SCHIP1: variants seen among roughly 807,000 people sequenced by gnomAD.
SCHIP1 encodes the protein schwannomin-interacting protein 1.
A neutral mutation model predicts 29.7 loss-of-function variants in SCHIP1; 8 were observed. The observed-to-expected ratio is 0.27, with a 90% CI of 0.16 to 0.49. The LOEUF (loss-of-function observed/expected upper bound fraction) is 0.49, where lower values mean the gene tolerates loss of function less well. Ranked by LOEUF, SCHIP1 falls within the 20% of genes least tolerant of loss-of-function variation. SCHIP1 has a pLI of 0.99. For synonymous variants in SCHIP1, 76 were observed against 94.9 expected, an observed-to-expected ratio of 0.80 and a Z score of 1.16; for missense variants, 193 against 294.6, an observed-to-expected ratio of 0.66 and a Z score of 2.52.
At chr3:159,427,200 G>A in the SCHIP1 span, among the ~76,000 whole-genome samples, 211 of 151,574 alleles carry the variant, frequency 1.4e-3, 2 homozygotes, top group Non-Finnish European at 2.6e-3. Context: ...TTCTGGCCAG[G>A]GCAATTAGGC....
At chr3:159,671,164 T>C in the SCHIP1 span, among the ~76,000 whole-genome samples, 2 of 152,266 alleles carry the variant, frequency 1.3e-5, no homozygotes, top group Admixed American at 1.3e-4. Flanking sequence ...TCACTGATAC[T>C]TCAGCTTTCC....
chr3:159,459,024 T>C, the SCHIP1 span, among the ~76,000 whole-genome samples: 1 of 152,180 alleles, frequency 6.6e-6, no homozygotes, highest in Non-Finnish European at 1.5e-5. Flanking sequence ...TCTTCATTGT[T>C]CTAAACTTTG....
chr3:159,600,580 A>G, the SCHIP1 span, among the ~76,000 whole-genome samples: 1 of 152,104 alleles, frequency 6.6e-6, no homozygotes, highest in Non-Finnish European at 1.5e-5. Context: ...AATTTCTCAT[A>G]TCCCCAATTT....
chr3:159,297,568 G>A, the SCHIP1 span, among the ~76,000 whole-genome samples: 3 of 152,042 alleles, frequency 2.0e-5, no homozygotes, highest in African/African-American at 7.2e-5. Flanking sequence ...CTAATGTGCT[G>A]TACTGCCTTC....
chr3:159,767,775 A>G, the SCHIP1 span, among the ~76,000 whole-genome samples: 62 of 152,252 alleles, frequency 4.1e-4, no homozygotes, highest in African/African-American at 1.4e-3. Context: ...CCCTTCCTAA[A>G]GTAAAGTAAC....
At chr3:159,445,900 T>C in the SCHIP1 span, among the ~76,000 whole-genome samples, 1 of 147,282 alleles carries the variant, frequency 6.8e-6, no homozygotes, top group Non-Finnish European at 1.5e-5. Flanking sequence ...GGGGGAAGGA[T>C]AGCATTAGGA....
chr3:159,478,110 A>G, the SCHIP1 span, among the ~76,000 whole-genome samples: 1 of 151,918 alleles, frequency 6.6e-6, no homozygotes, highest in South Asian at 2.1e-4. Flanking sequence ...TTTAGTAGAG[A>G]TGGGGTTTCA....
At chr3:159,868,180 C>G (rs1463959160) in intron 2 of SCHIP1, among the ~76,000 whole-genome samples, 1 of 150,712 alleles carries the variant, frequency 6.6e-6, no homozygotes, top group East Asian at 1.9e-4. Flanking sequence ...TGGATGTATA[C>G]ATATATATAT....
At chr3:159,587,357 G>A in the SCHIP1 span, among the ~76,000 whole-genome samples, 3 of 149,768 alleles carry the variant, frequency 2.0e-5, no homozygotes, top group Non-Finnish European at 4.4e-5. Context: ...TGTAGAACAA[G>A]ATGAATAAAA....
the SCHIP1 span, among the ~76,000 whole-genome samples, chr3:159,278,790 G>T: frequency 6.6e-6 from 1 of 152,132 alleles, no homozygotes; most frequent in Non-Finnish European, 1.5e-5. Flanking sequence ...GTAACGAAGG[G>T]ATCCCCAAAA....
the SCHIP1 span, among the ~76,000 whole-genome samples, chr3:159,343,658 G>C: frequency 6.6e-6 from 1 of 152,200 alleles, no homozygotes. Context: ...CAAGTCCCAA[G>C]TCACTGGAGC....
intron 1 of SCHIP1, among the ~76,000 whole-genome samples, chr3:159,847,444 A>C (rs1185275788): frequency 6.6e-6 from 1 of 152,176 alleles, no homozygotes; most frequent in Non-Finnish European, 1.5e-5. Context: ...AAACTACCAA[A>C]CTTCCTGAAA....
chr3:159,617,786 C>T, the SCHIP1 span, among the ~76,000 whole-genome samples: 1 of 152,274 alleles, frequency 6.6e-6, no homozygotes, highest in East Asian at 1.9e-4. Context: ...AGCTCCCGTG[C>T]TTATGAACAA....
chr3:159,465,508 G>T, the SCHIP1 span, among the ~76,000 whole-genome samples: 168 of 152,188 alleles, frequency 1.1e-3, 1 homozygote, highest in African/African-American at 3.8e-3. Flanking sequence ...AGGATTAAAT[G>T]ATATGTTCTA....
the SCHIP1 span, among the ~76,000 whole-genome samples, chr3:159,398,454 G>A: frequency 1.3e-5 from 2 of 152,132 alleles, no homozygotes; most frequent in Non-Finnish European, 1.5e-5. Context: ...GTCATGGAGG[G>A]ATTTTAATTT....
At chr3:159,870,760 C>A (rs1577465980) in intron 2 of SCHIP1, among the ~76,000 whole-genome samples, 1 of 151,520 alleles carries the variant, frequency 6.6e-6, no homozygotes, top group African/African-American at 2.4e-5. Flanking sequence ...CTATTGTATT[C>A]TTTTCTTCTG....
chr3:159,875,770 G>A (rs893784650), intron 2 of SCHIP1, among the ~76,000 whole-genome samples: 5 of 152,098 alleles, frequency 3.3e-5, no homozygotes, highest in African/African-American at 1.2e-4. Flanking sequence ...TGCTTGGATT[G>A]TTCTCATTCA....
the SCHIP1 span, among the ~76,000 whole-genome samples, chr3:159,299,565 C>A: frequency 7.9e-5 from 12 of 152,222 alleles, no homozygotes; most frequent in Middle Eastern, 6.8e-3. Flanking sequence ...GTTGCCAGAA[C>A]GTAAAAAAAG....
chr3:159,856,928 T>G (rs775039388), intron 1 of SCHIP1, among the ~76,000 whole-genome samples: 9 of 152,056 alleles, frequency 5.9e-5, no homozygotes, highest in Non-Finnish European at 1.2e-4. Flanking sequence ...ACACAATTAC[T>G]GAGGAAAAAC....
Sources: gnomAD v4.1 joint callset for allele counts (sites outside exome capture counted in the v4.1 genomes callset) on GRCh38, gnomAD v4.1.1 for gene constraint, MANE v1.5 for transcripts, NCBI Gene and HGNC (gene_info 2026-07-23, HGNC 2026-07-21) for gene names.